C8orf34: variants seen among roughly 807,000 people sequenced by gnomAD.
The protein encoded by C8orf34 is uncharacterized protein C8orf34.
A neutral mutation model predicts 68.3 loss-of-function variants in C8orf34; 65 were observed. That is an observed-to-expected ratio of 0.95 (90% CI 0.78 to 1.17). The LOEUF (loss-of-function observed/expected upper bound fraction) is 1.17. C8orf34 is among the 50% of genes most tolerant of loss of function. C8orf34 has a pLI of 0.00. For missense variants in C8orf34, 664 were observed against 655.4 expected (o/e 1.01, Z -0.14); for synonymous variants, 244 against 241.2 (o/e 1.01, Z -0.11).
rs569300255 is a variant in C8orf34, at chr8:68,344,890, A to G, written c.327+13551A>G. On this transcript the variant is annotated intron_variant, in intron 1 of 13. Coordinates refer to ENST00000518698, the MANE Select transcript of C8orf34 (RefSeq NM_052958.4). ...GTGATATTGATAGAAAAATATTAAC[A>G]TACGTGTTGAAAATTTAAGAGTAAT... is the stretch of plus-strand genomic sequence containing the variant. Among the ~76,000 whole-genome samples, 12 of 152,248 alleles carry G rather than the reference A, an allele frequency of 7.9e-5. No individual in the cohort carries two copies. The South Asian group carries it at 2.1e-3, about 26-fold the overall frequency.
intron 1 of C8orf34, among the ~76,000 whole-genome samples, chr8:68,391,717 C>G (rs999999933): frequency 6.6e-6 from 1 of 152,150 alleles, no homozygotes; most frequent in African/African-American, 2.4e-5. Context: ...CACTCCATGT[C>G]CATCTGAGTC....
intron 1 of C8orf34, among the ~76,000 whole-genome samples, chr8:68,344,812 T>C (rs1806213430): frequency 6.6e-6 from 1 of 152,088 alleles, no homozygotes; most frequent in Non-Finnish European, 1.5e-5. Context: ...AAATATGTGT[T>C]AAGCAAACTT....
intron 5 of C8orf34, among the ~76,000 whole-genome samples, chr8:68,516,647 T>TTTATTTATTTATTTA (rs973721137): frequency 4.4e-4 from 67 of 151,934 alleles, no homozygotes; most frequent in African/African-American, 1.5e-3. Context: ...TATTTATTTA[T>TTTATTTATTTATTTA]TTTTTATTTA....
At chr8:68,432,070 A>G (rs1374810819) in intron 1 of C8orf34, among the ~76,000 whole-genome samples, 1 of 152,084 alleles carries the variant, frequency 6.6e-6, no homozygotes, top group Non-Finnish European at 1.5e-5. Flanking sequence ...CCTGAGGCCT[A>G]TAGAGCTGTG....
At chr8:68,760,782 G>A (rs1208657376) in intron 10 of C8orf34, among the ~76,000 whole-genome samples, 1 of 152,162 alleles carries the variant, frequency 6.6e-6, no homozygotes, top group Non-Finnish European at 1.5e-5. Flanking sequence ...AAACTAAGAA[G>A]TGGAAAATAT....
At chr8:68,573,590 G>T (rs897277922) in intron 7 of C8orf34, among the ~76,000 whole-genome samples, 10 of 152,180 alleles carry the variant, frequency 6.6e-5, no homozygotes, top group Non-Finnish European at 1.5e-4. Context: ...GCCTACTCTA[G>T]TTAAAAGTGG....
Position 68,331,279 on chromosome 8 carries a change from T to C in C8orf34, c.267T>C (p.Ser89=). 5.2e-6 allele frequency: 8 copies of C among 1,536,448 alleles called. No individual in the cohort carries two copies. The highest frequency in any genetic ancestry group is 7.0e-6 in the Non-Finnish European group (8 of 1,146,984). Residue 89 remains serine, a synonymous_variant, in exon 1 of 14, where the codon TCT becomes TCC. Transcript: ENST00000518698. The part of the protein sequence containing the change: ...SSRSHLFPMA[S]HPQTRIQAYL... Reference sequence around the variant, plus strand: ...GGTCCCATCTGTTCCCCATGGCGTCTCATCCGCAAACCCGGATCCAGGCTT... The same window carrying C: ...GGTCCCATCTGTTCCCCATGGCGTCCCATCCGCAAACCCGGATCCAGGCTT...
At chr8:68,488,882 G>A (rs1401583932) in intron 5 of C8orf34, among the ~76,000 whole-genome samples, 3 of 151,964 alleles carry the variant, frequency 2.0e-5, no homozygotes, top group African/African-American at 2.4e-5. Flanking sequence ...ACCCCAAAGA[G>A]TCTTGATTTA....
chr8:68,419,981 TA>T (rs201937815), intron 1 of C8orf34, among the ~76,000 whole-genome samples: 1,815 of 68,766 alleles, frequency 0.026, 31 homozygotes, highest in African/African-American at 0.077. Flanking sequence ...AGTATAATAA[TA>T]AAAAAAAAAA....
intron 1 of C8orf34, among the ~76,000 whole-genome samples, chr8:68,332,721 G>C (rs1585928762): frequency 6.6e-6 from 1 of 152,182 alleles, no homozygotes; most frequent in East Asian, 1.9e-4. Context: ...CTTTAACGTT[G>C]ATCTGTCTTA....
At chr8:68,674,128 A>G (rs1180365163) in intron 8 of C8orf34, among the ~76,000 whole-genome samples, 1 of 152,156 alleles carries the variant, frequency 6.6e-6, no homozygotes, top group African/African-American at 2.4e-5. Flanking sequence ...AATGTAGATG[A>G]CAACACCCAA....
At chr8:68,713,637 A>G (rs1289382866) in intron 9 of C8orf34, among the ~76,000 whole-genome samples, 1 of 152,140 alleles carries the variant, frequency 6.6e-6, no homozygotes, top group East Asian at 1.9e-4. Flanking sequence ...GACCCACAAC[A>G]AGCAGTGAGA....
intron 10 of C8orf34, among the ~76,000 whole-genome samples, chr8:68,742,977 A>T (rs1360229866): frequency 6.6e-6 from 1 of 152,182 alleles, no homozygotes; most frequent in East Asian, 1.9e-4. Flanking sequence ...TTTGCTAGAC[A>T]TCTTCCTGTC....
In C8orf34 at chr8:68,794,492, T is replaced by C. The variant is rs866860001; in HGVS notation, c.1549+6956T>C. Among the ~76,000 whole-genome samples the C allele has an allele frequency of 4.0e-4, 36 of 90,872 alleles. 6 individuals are homozygous for C. The highest frequency in any genetic ancestry group is 2.3e-3 in the African/African-American group (32 of 13,830). 59.6% of individuals were successfully genotyped at this position (90,872 alleles called of 152,430 possible). A position where few individuals can be genotyped will look rare whatever the true frequency, so the allele number is the denominator to read the frequency against. ...CAGTATATAAATATAAATATATATA[T>C]ATATATATATATATTTTTTTTTTTT... On this transcript the variant is annotated intron_variant, in intron 12 of 13. Coordinates refer to ENST00000518698, the MANE Select transcript of C8orf34 (RefSeq NM_052958.4).
At chr8:68,797,347 A>C (rs1323422719) in intron 12 of C8orf34, among the ~76,000 whole-genome samples, 1 of 152,112 alleles carries the variant, frequency 6.6e-6, no homozygotes, top group Non-Finnish European at 1.5e-5. Flanking sequence ...CAGAGGCAGG[A>C]CTAGAATGAA....
chr8:68,724,199 G>C (rs1161179532), intron 10 of C8orf34, among the ~76,000 whole-genome samples: 1 of 152,054 alleles, frequency 6.6e-6, no homozygotes, highest in Non-Finnish European at 1.5e-5. Context: ...AACTTCTGTA[G>C]TATTTCTTGG....
chr8:68,744,316 A>G (rs983219367), intron 10 of C8orf34, among the ~76,000 whole-genome samples: 3 of 152,174 alleles, frequency 2.0e-5, no homozygotes, highest in Non-Finnish European at 4.4e-5. Flanking sequence ...AAACTCTAAA[A>G]AGCAGAGCAC....
intron 7 of C8orf34, among the ~76,000 whole-genome samples, chr8:68,539,468 A>G (rs2890432): frequency 0.2 from 30,815 of 152,178 alleles, 4,157 homozygotes; most frequent in African/African-American, 0.39. Context: ...ATTAAAAATC[A>G]AATGTATAAC....
At chr8:68,465,494 A>G (rs1241991684) in intron 3 of C8orf34, among the ~76,000 whole-genome samples, 3 of 151,874 alleles carry the variant, frequency 2.0e-5, no homozygotes, top group Admixed American at 1.3e-4. Context: ...ATAAAGACAC[A>G]TGCACACGTA....
Sources: allele counts gnomAD v4.1 joint callset (sites outside exome capture counted in the v4.1 genomes callset), GRCh38; gene constraint gnomAD v4.1.1; transcripts MANE v1.5; gene names NCBI Gene and HGNC (gene_info 2026-07-23, HGNC 2026-07-21).